ADORA2A: variants seen among roughly 807,000 people sequenced by gnomAD.
ADORA2A encodes the protein adenosine receptor A2a.
In ADORA2A, 11 loss-of-function variants were observed where a neutral mutation model predicts 18.4. That is an observed-to-expected ratio of 0.60 (90% CI 0.38 to 0.99). The LOEUF is 0.99. Ranked by LOEUF, ADORA2A falls within the 50% of genes least tolerant of loss-of-function variation. The pLI, the probability that ADORA2A is intolerant of heterozygous loss-of-function variation, is 0.01. For synonymous variants in ADORA2A, 218 were observed against 237.3 expected (o/e 0.92, Z 0.75); for missense variants, 449 against 556.1 (o/e 0.81, Z 1.94).
chr22:24,431,434 T>C (rs201275567), intron 1 of ADORA2A: 2 of 456,578 alleles, frequency 4.4e-6, no homozygotes, highest in East Asian at 7.0e-5. Context: ...GGAGGGAAAG[T>C]TGGGGTCTGT....
intron 2 of ADORA2A, among the ~76,000 whole-genome samples, chr22:24,440,250 T>G (rs1470142479): frequency 6.6e-6 from 1 of 152,190 alleles, no homozygotes. Flanking sequence ...AAATCATGTT[T>G]TCCCCCTCAA....
intron 1 of ADORA2A, chr22:24,432,071 C>G (rs2043051592): frequency 6.4e-6 from 1 of 155,148 alleles, no homozygotes; most frequent in Admixed American, 6.3e-5. Context: ...GGACCAAACT[C>G]CCGTTAGTCA....
At chr22:24,435,285 C>T (rs10427623) in intron 2 of ADORA2A, among the ~76,000 whole-genome samples, 2,165 of 152,302 alleles carry the variant, frequency 0.014, 55 homozygotes, top group African/African-American at 0.049. Flanking sequence ...GCTCAGAACA[C>T]GGAGGCCCAG....
chr22:24,424,967 G>T (rs1437690356), upstream of ADORA2A, among the ~76,000 whole-genome samples: 1 of 152,114 alleles, frequency 6.6e-6, no homozygotes, highest in Non-Finnish European at 1.5e-5. The surrounding 1 kb of genome is among the most constrained non-coding windows in gnomAD (Gnocchi z 4.9). Flanking sequence ...AAGACGCGCA[G>T]GTGTTTGTGG....
upstream of ADORA2A, among the ~76,000 whole-genome samples, chr22:24,425,688 A>AT (rs1172386538): frequency 6.6e-6 from 1 of 152,174 alleles, no homozygotes; most frequent in Non-Finnish European, 1.5e-5. Flanking sequence ...TGAATTACAG[A>AT]TCCCCAAATA....
intron 2 of ADORA2A, among the ~76,000 whole-genome samples, chr22:24,435,914 C>CGAT (rs1211029731): frequency 6.6e-6 from 1 of 152,166 alleles, no homozygotes; most frequent in Non-Finnish European, 1.5e-5. Context: ...AGGATGACGA[C>CGAT]GATGATGTTC....
upstream of ADORA2A, among the ~76,000 whole-genome samples, chr22:24,425,363 C>G (rs933236902): frequency 7.3e-5 from 11 of 149,796 alleles, no homozygotes; most frequent in African/African-American, 2.7e-4. Context: ...CCCAACATCC[C>G]GGCAGATCCA....
intron 2 of ADORA2A, among the ~76,000 whole-genome samples, chr22:24,437,983 A>G (rs1370549715): frequency 6.6e-6 from 1 of 152,280 alleles, no homozygotes; most frequent in African/African-American, 2.4e-5. Context: ...TGCTGAGAAC[A>G]GTTTGAAAAC....
chr22:24,427,247 T>C (rs2042928157), upstream of ADORA2A, among the ~76,000 whole-genome samples: 1 of 152,134 alleles, frequency 6.6e-6, no homozygotes, highest in African/African-American at 2.4e-5. Flanking sequence ...GAAGAAGCAG[T>C]GGCCAGGCTC....
chr22:24,441,450 A>G lies in ADORA2A; in HGVS notation c.1200A>G (p.Leu400=). The change falls in exon 3 of 3, where the codon CTA becomes CTG. Residue 400 remains leucine, a synonymous_variant. Transcript: ENST00000337539. ...LKGVCPEPPG[L]DDPLAQDGAG... is the part of the protein sequence containing the mutation. ...GAGTGTGCCCAGAGCCCCCTGGCCTAGATGACCCCCTGGCCCAGGATGGAG... is the reference window on the plus strand; with the variant it reads ...GAGTGTGCCCAGAGCCCCCTGGCCTGGATGACCCCCTGGCCCAGGATGGAG... 6.6e-7 allele frequency: 1 copy of G among 1,519,948 alleles called. No homozygotes were observed. The highest frequency in any genetic ancestry group is 8.8e-7 in the Non-Finnish European group (1 of 1,136,140). 94.2% of individuals were successfully genotyped at this position (1,519,948 alleles called of 1,614,324 possible). A position where few individuals can be genotyped will look rare whatever the true frequency, so the allele number is the denominator to read the frequency against.
At chr22:24,439,108 T>C (rs887531705) in intron 2 of ADORA2A, among the ~76,000 whole-genome samples, 2 of 124,370 alleles carry the variant, frequency 1.6e-5, no homozygotes, top group African/African-American at 3.0e-5. Context: ...TTTTGGAGAC[T>C]GAGTCTTGCT....
chr22:24,438,673 C>G (rs963471096), intron 2 of ADORA2A: 1 of 152,236 alleles, frequency 6.6e-6, no homozygotes, highest in African/African-American at 2.4e-5. Flanking sequence ...TCAGAACAGA[C>G]AGACTCGCCT....
intron 2 of ADORA2A, among the ~76,000 whole-genome samples, 173 bp downstream of exon 2, chr22:24,433,909 C>T (rs1174568536): frequency 1.3e-5 from 2 of 152,256 alleles, no homozygotes; most frequent in Non-Finnish European, 2.9e-5. Flanking sequence ...ACGTGGCCAG[C>T]AGTCATGCCG....
At position 24,441,174 on chromosome 22, in the gene ADORA2A, G is replaced by C; in HGVS notation, c.924G>C (p.Leu308=). The change falls in exon 3 of 3, where the codon CTG becomes CTC. Residue 308 remains leucine, a synonymous_variant. Transcript: ENST00000337539. The stretch of plus-strand genomic sequence containing the variant: ...GCAAGATCATTCGCAGCCACGTCCT[G>C]AGGCAGCAAGAACCTTTCAAGGCAG... ...TFRKIIRSHV[L]RQQEPFKAAG... 6.2e-7 allele frequency: 1 copy of C among 1,614,226 alleles called. No homozygotes were observed. The highest frequency in any genetic ancestry group is 2.2e-5 in the East Asian group (1 of 44,894).
chr22:24,427,031 C>T (rs987318315), upstream of ADORA2A, among the ~76,000 whole-genome samples: 12 of 152,188 alleles, frequency 7.9e-5, no homozygotes, highest in Admixed American at 1.3e-4. Flanking sequence ...TCTCTGGCAT[C>T]GGCCGTCACC....
At chr22:24,437,088 T>C (rs2043198257) in intron 2 of ADORA2A, among the ~76,000 whole-genome samples, 1 of 152,132 alleles carries the variant, frequency 6.6e-6, no homozygotes, top group East Asian at 1.9e-4. Flanking sequence ...ACTCCTCAGG[T>C]TGGGACATGT....
In ADORA2A at chr22:24,433,203, A is replaced by G. The variant is rs201563750; in HGVS notation, c.-202A>G. On this transcript the variant is annotated 5_prime_UTR_variant, in exon 2 of 3. Coordinates refer to ENST00000337539, the MANE Select transcript of ADORA2A (RefSeq NM_000675.6). ...GAACCCCTGCAGAGGGCCTGGTTTC[A>G]GGAGACTCAGAGTCCTCTGTGAAAA... 4.0e-5 allele frequency: 24 copies of G among 599,184 alleles called. No homozygotes were observed. Among genetic ancestry groups the G allele is most frequent in the Non-Finnish European group, 6.8e-5 (23 of 337,432 alleles). The allele number at this position is 599,184 out of a possible 1,614,324, so 37.1% of individuals were successfully genotyped here. A position where few individuals can be genotyped will look rare whatever the true frequency, so the allele number is the denominator to read the frequency against.
At chr22:24,439,742 G>A (rs779052772) in intron 2 of ADORA2A, among the ~76,000 whole-genome samples, 29 of 152,066 alleles carry the variant, frequency 1.9e-4, no homozygotes, top group Non-Finnish European at 3.2e-4. Flanking sequence ...ACTGGGAGTC[G>A]GTAGGCTTGG....
chr22:24,432,183 G>A lies in ADORA2A; in HGVS notation c.-274-948G>A, dbSNP rs62234045. 1,101 of 153,522 alleles carry A rather than the reference G, an allele frequency of 7.2e-3. 4 individuals are homozygous for A. The highest frequency in any genetic ancestry group is 0.012 in the South Asian group (61 of 4,904). 9.5% of individuals were successfully genotyped at this position (153,522 alleles called of 1,614,324 possible). A position where few individuals can be genotyped will look rare whatever the true frequency, so the allele number is the denominator to read the frequency against. ...GTGGAAGCTCACAGTCAGCTGCAGC[G>A]CCGCCCCTGCCCTGACTGCAGCTGA... is the stretch of plus-strand genomic sequence containing the variant. On this transcript the variant is annotated intron_variant, in intron 1 of 2. Coordinates refer to ENST00000337539, the MANE Select transcript of ADORA2A (RefSeq NM_000675.6).
Sources: allele counts gnomAD v4.1 joint callset (sites outside exome capture counted in the v4.1 genomes callset), GRCh38; gene constraint gnomAD v4.1.1; non-coding constraint Gnocchi (gnomAD v3.1); transcripts MANE v1.5; gene names NCBI Gene and HGNC (gene_info 2026-07-23, HGNC 2026-07-21).